MRPL22: variants seen among roughly 807,000 people sequenced by gnomAD.
The protein encoded by MRPL22 is mitochondrial ribosomal protein L22.
A neutral mutation model predicts 32.4 loss-of-function variants in MRPL22; 27 were observed. The observed-to-expected ratio is 0.83, with a 90% CI of 0.61 to 1.15. MRPL22 has a LOEUF of 1.15. MRPL22 is among the 50% of genes most tolerant of loss of function. The pLI is 0.00. For synonymous variants in MRPL22, 86 were observed against 87.3 expected, an observed-to-expected ratio of 0.99 and a Z score of 0.08; for missense variants, 239 against 260.2, an observed-to-expected ratio of 0.92 and a Z score of 0.56.
chr5:154,947,924 A>T (rs1764513604), intron 2 of MRPL22, among the ~76,000 whole-genome samples: 1 of 152,250 alleles, frequency 6.6e-6, no homozygotes, highest in Admixed American at 6.5e-5. Context: ...AGATAATAAG[A>T]CGAGAAAACA....
chr5:154,962,372 A>G (rs1436850868), intron 6 of MRPL22, among the ~76,000 whole-genome samples: 2 of 152,230 alleles, frequency 1.3e-5, no homozygotes, highest in Non-Finnish European at 2.9e-5. Context: ...GTTGTTTAAT[A>G]AACTATTGAT....
At chr5:154,957,256 GA>G in intron 5 of MRPL22, 44 bp downstream of exon 5, 1 of 1,485,186 alleles carries the variant, frequency 6.7e-7, no homozygotes, top group African/African-American at 1.4e-5. Flanking sequence ...GGGAACTGGG[GA>G]ATGCAGCTGT....
chr5:154,950,984 T>C, intron 3 of MRPL22, 46 bp downstream of exon 3: 1 of 1,168,196 alleles, frequency 8.6e-7, no homozygotes, highest in Non-Finnish European at 1.3e-6. Flanking sequence ...GTAGTGCTCT[T>C]ACTCTTAAGT....
chr5:154,952,248 A>G (rs991483150), intron 3 of MRPL22, among the ~76,000 whole-genome samples: 1 of 152,200 alleles, frequency 6.6e-6, no homozygotes, highest in African/African-American at 2.4e-5. Context: ...ATAACAGCAC[A>G]ATTTTGTTAT....
chr5:154,949,681 A>G (rs1022080181), intron 2 of MRPL22, among the ~76,000 whole-genome samples: 2 of 152,204 alleles, frequency 1.3e-5, no homozygotes, highest in African/African-American at 4.8e-5. Flanking sequence ...GAGTGATTTT[A>G]TTTAGTGATA....
rs1157920754 is a variant in MRPL22 at position 154,941,150 on chromosome 5, T to A, written c.28+12T>A. ...ACTGGGACAGTTGGGTAAGGATTTC[T>A]TAGTGGTTAAGCGACAGAAGGGAGT... On this transcript the variant is annotated intron_variant, in intron 1 of 6. Transcript: ENST00000523037. 1 of 1,613,998 alleles carries A rather than the reference T, an allele frequency of 6.2e-7. No individual in the cohort carries two copies. Among genetic ancestry groups the A allele is most frequent in the Non-Finnish European group, 8.5e-7 (1 of 1,180,020 alleles).
At chr5:154,943,997 C>T (rs1384869804) in intron 2 of MRPL22, among the ~76,000 whole-genome samples, 1 of 152,104 alleles carries the variant, frequency 6.6e-6, no homozygotes, top group Non-Finnish European at 1.5e-5. Context: ...TCCAAGTCTC[C>T]TATTTTACTG....
intron 6 of MRPL22, among the ~76,000 whole-genome samples, chr5:154,960,320 C>T (rs769072607): frequency 1.3e-5 from 2 of 152,106 alleles, no homozygotes; most frequent in Non-Finnish European, 2.9e-5. Context: ...GACTGGGGTA[C>T]ATAGAGTGGT....
chr5:154,965,050 T>C (rs1764748724), intron 6 of MRPL22, among the ~76,000 whole-genome samples: 1 of 152,168 alleles, frequency 6.6e-6, no homozygotes, highest in African/African-American at 2.4e-5. Context: ...CTAAATGAAG[T>C]TAATAAAAGG....
chr5:154,958,387 A>G (rs894455693), intron 5 of MRPL22, among the ~76,000 whole-genome samples: 6 of 152,062 alleles, frequency 3.9e-5, no homozygotes, highest in African/African-American at 1.4e-4. Flanking sequence ...TGATAGATTC[A>G]GACTTCTAAA....
At chr5:154,956,132 C>T in intron 3 of MRPL22, 1 of 395,078 alleles carries the variant, frequency 2.5e-6, no homozygotes. Flanking sequence ...TGACACAAAC[C>T]AGCCATTGTA....
At chr5:154,944,264 AT>A (rs984724465) in intron 2 of MRPL22, among the ~76,000 whole-genome samples, 2 of 151,950 alleles carry the variant, frequency 1.3e-5, no homozygotes, top group Non-Finnish European at 2.9e-5. Flanking sequence ...AGCCAAAAAA[AT>A]ATTTTTTTTT....
chr5:154,948,657 C>T (rs541482138), intron 2 of MRPL22, among the ~76,000 whole-genome samples: 2 of 152,290 alleles, frequency 1.3e-5, no homozygotes, highest in South Asian at 2.1e-4. Context: ...CTCCTTTATC[C>T]ATTAGTTTAT....
chr5:154,951,046 T>G, intron 3 of MRPL22, 108 bp downstream of exon 3: 1 of 714,006 alleles, frequency 1.4e-6, no homozygotes, highest in Non-Finnish European at 2.4e-6. Flanking sequence ...AACCATTCAC[T>G]CTAATTGACA....
chr5:154,945,732 G>T (rs1188754878), intron 2 of MRPL22, among the ~76,000 whole-genome samples: 1 of 152,212 alleles, frequency 6.6e-6, no homozygotes, highest in Admixed American at 6.5e-5. Context: ...CCCAATTAAA[G>T]AAAGTGTCTC....
chr5:154,959,928 C>G (rs1764679748), intron 5 of MRPL22, 52 bp from the exon 6 acceptor site: 1 of 1,298,152 alleles, frequency 7.7e-7, no homozygotes, highest in Non-Finnish European at 1.1e-6. Context: ...AAACTTAATT[C>G]CATTTTACTT....
chr5:154,963,321 A>G (rs1439377530), intron 6 of MRPL22, among the ~76,000 whole-genome samples: 2 of 152,224 alleles, frequency 1.3e-5, no homozygotes, highest in African/African-American at 4.8e-5. Flanking sequence ...CATTTTTGAG[A>G]TATCTTAATG....
intron 2 of MRPL22, among the ~76,000 whole-genome samples, chr5:154,942,122 TA>T (rs1267907456): frequency 1.3e-5 from 2 of 152,192 alleles, no homozygotes; most frequent in Admixed American, 1.3e-4. Context: ...TTTATTTATT[TA>T]TTTTTTTAGA....
chr5:154,967,412 A>G lies in MRPL22; in HGVS notation c.*515A>G, dbSNP rs991854253. 6.5e-6 allele frequency: 1 copy of G among 152,832 alleles called. No homozygotes were observed. The highest frequency in any genetic ancestry group is 2.4e-5 in the African/African-American group (1 of 41,474). 9.5% of individuals were successfully genotyped at this position (152,832 alleles called of 1,614,324 possible). On this transcript the variant is annotated 3_prime_UTR_variant, in exon 7 of 7. Transcript: ENST00000523037. The surrounding 1 kb of genome is among the most constrained non-coding windows in gnomAD (Gnocchi z 4.7). ...TATTTTCCTTTACTGTTTTAGCAGT[A>G]ACTCGAAACTACAGGAGTTTATTAG...
Sources: allele counts gnomAD v4.1 joint callset (sites outside exome capture counted in the v4.1 genomes callset), GRCh38; gene constraint gnomAD v4.1.1; non-coding constraint Gnocchi (gnomAD v3.1); transcripts MANE v1.5; gene names NCBI Gene and HGNC (gene_info 2026-07-23, HGNC 2026-07-21).